NUDT13: variants seen among roughly 807,000 people sequenced by gnomAD.
The protein encoded by NUDT13 is NAD(P)H pyrophosphatase NUDT13, mitochondrial.
In NUDT13, 40 loss-of-function variants were observed where a neutral mutation model predicts 41.7. The ratio of observed to expected loss-of-function variants is 0.96; its 90% CI spans 0.75 to 1.25. The LOEUF (loss-of-function observed/expected upper bound fraction) is 1.25. Among genes scored for constraint, NUDT13 ranks in the 50% most tolerant of loss-of-function variants. NUDT13 has a pLI of 0.00. For synonymous variants in NUDT13, 145 were observed against 155.5 expected (o/e 0.93, Z 0.50); for missense variants, 390 against 416.1 (o/e 0.94, Z 0.55).
chr10:73,122,024 C>G, intron 3 of NUDT13, 151 bp from the exon 4 acceptor site: 9 of 804,638 alleles, frequency 1.1e-5, no homozygotes, highest in Non-Finnish European at 1.8e-5. Context: ...ATGGTTAGAC[C>G]AAGGTTACAT....
In NUDT13 at chr10:73,131,201, G is replaced by A. The variant is rs1842910639; in HGVS notation, c.*298G>A. ...CCCTTGTTCAGTCATTTTCTCTAAG[G>A]CCTTGGAAGCAAACATCTTCTGGCA... On this transcript the variant is annotated 3_prime_UTR_variant, in exon 9 of 9. Coordinates refer to ENST00000357321, the MANE Select transcript of NUDT13 (RefSeq NM_015901.6). The A allele has an allele frequency of 3.6e-6, 1 of 274,868 alleles. No individual in the cohort carries two copies. Among genetic ancestry groups the A allele is most frequent in the Non-Finnish European group, 7.2e-6 (1 of 138,888 alleles). The allele number at this position is 274,868 out of a possible 1,614,324, so 17.0% of individuals were successfully genotyped here. A position where few individuals can be genotyped will look rare whatever the true frequency, so the allele number is the denominator to read the frequency against.
At chr10:73,119,892 G>T (rs949005418) in intron 2 of NUDT13, 126 bp from the exon 3 acceptor site, 5 of 1,031,058 alleles carry the variant, frequency 4.8e-6, no homozygotes, top group East Asian at 4.8e-5. Context: ...AGCAAATTAG[G>T]TTGTAAATAA....
intron 1 of NUDT13, among the ~76,000 whole-genome samples, chr10:73,111,519 GA>G (rs1387133167): frequency 1.3e-5 from 2 of 152,202 alleles, no homozygotes; most frequent in Non-Finnish European, 2.9e-5. Context: ...AACAGGATAA[GA>G]AACGTGTGAA....
chr10:73,113,820 A>C (rs1842428898), intron 1 of NUDT13, among the ~76,000 whole-genome samples: 1 of 152,224 alleles, frequency 6.6e-6, no homozygotes. Context: ...CCTCAGACAC[A>C]GTGAAAAGGG....
At chr10:73,112,937 G>A in intron 1 of NUDT13, among the ~76,000 whole-genome samples, 1 of 151,722 alleles carries the variant, frequency 6.6e-6, no homozygotes, top group East Asian at 1.9e-4. Flanking sequence ...GCCCAGGCTG[G>A]AGTGCAATGG....
At chr10:73,117,533 G>GGCGAC in intron 2 of NUDT13, among the ~76,000 whole-genome samples, 1 of 124,148 alleles carries the variant, frequency 8.1e-6, no homozygotes, top group South Asian at 2.5e-4. Context: ...CTCCAGCCTG[G>GGCGAC]AAAACAAGAG....
intron 4 of NUDT13, 152 bp downstream of exon 4, chr10:73,122,461 A>G: frequency 1.4e-6 from 1 of 721,706 alleles, no homozygotes; most frequent in South Asian, 1.9e-5. Flanking sequence ...GTCATCTGCT[A>G]TCATCATCAT....
At chr10:73,110,807 A>C (rs1290882242) in intron 1 of NUDT13, among the ~76,000 whole-genome samples, 1 of 152,182 alleles carries the variant, frequency 6.6e-6, no homozygotes. Flanking sequence ...TTAAAAATGG[A>C]ACTTGCCAAC....
At chr10:73,114,783 T>TTA in intron 2 of NUDT13, among the ~76,000 whole-genome samples, 1 of 152,106 alleles carries the variant, frequency 6.6e-6, no homozygotes, top group South Asian at 2.1e-4. Flanking sequence ...GACTCTAATC[T>TTA]GATTGCGGGT....
chr10:73,129,132 AGGTACTT>A (rs1422659155), intron 8 of NUDT13, among the ~76,000 whole-genome samples: 1 of 149,314 alleles, frequency 6.7e-6, no homozygotes, highest in Non-Finnish European at 1.5e-5. Context: ...ATAAAACTAT[AGGTACTT>A]GTAGTTGAAA....
rs1012076149 is a variant in NUDT13, at chr10:73,126,807, G to A, written c.838G>A (p.Val280Met). The A allele has an allele frequency of 1.9e-6, 3 of 1,614,142 alleles. No individual in the cohort carries two copies. The African/African-American group carries it at 4.0e-5, about 22-fold the overall frequency. The part of the protein sequence containing the change: ...GSLMIACHAT[V>M]KPGQTEIQVN... ...ACTCATGATTGCTTGCCATGCAACT[G>A]TGAAACCAGGGCAGACAGAAGTAAG... The change falls in exon 8 of 9, where the codon GTG becomes ATG. Residue 280 changes from valine (V) to methionine (M), a missense_variant. Val to Met is a conservative substitution (Grantham distance 21). Transcript: ENST00000357321.
At chr10:73,121,550 T>C (rs985447709) in intron 3 of NUDT13, among the ~76,000 whole-genome samples, 7 of 152,218 alleles carry the variant, frequency 4.6e-5, no homozygotes, top group African/African-American at 9.6e-5. Flanking sequence ...CTCTTAGAGA[T>C]TGGCATCTCA....
chr10:73,115,743 A>G lies in NUDT13; in HGVS notation c.83+1295A>G, dbSNP rs568971851. On this transcript the variant is annotated intron_variant, in intron 2 of 8. Transcript: ENST00000357321. ...ACTTCAGATGAAAAAAACTGTATTGAATAATATTTCATGAAGTTTCCTATA... is the reference window on the plus strand; with the variant it reads ...ACTTCAGATGAAAAAAACTGTATTGGATAATATTTCATGAAGTTTCCTATA... 1.8e-4 allele frequency among the ~76,000 whole-genome samples: 28 copies of G among 152,320 alleles called. No individual in the cohort carries two copies. In the South Asian group the frequency reaches 3.3e-3, roughly 18 times the overall value.
In NUDT13 at chr10:73,120,097, C is replaced by G; in HGVS notation, c.163C>G (p.Leu55Val). Residue 55 changes from leucine (L) to valine (V), a missense_variant, in exon 3 of 9, where the codon CTG (leucine) becomes GTG (valine). Physicochemically the swap from Leu to Val is conservative, Grantham distance 32. Coordinates refer to ENST00000357321, the MANE Select transcript of NUDT13 (RefSeq NM_015901.6). ...QTGAFYLFHS[L>V]APLLQTSAHQ... is the part of the protein sequence containing the mutation. ...AGGAGCGTTTTACCTCTTTCATAGT[C>G]TGGCTCCTCTGCTTCAGACTTCAGC... The G allele has an allele frequency of 6.2e-7, 1 of 1,614,202 alleles. No individual in the cohort carries two copies. The highest frequency in any genetic ancestry group is 8.5e-7 in the Non-Finnish European group (1 of 1,180,026).
chr10:73,110,965 C>T (rs1184830327), intron 1 of NUDT13, among the ~76,000 whole-genome samples: 8 of 152,078 alleles, frequency 5.3e-5, no homozygotes, highest in Non-Finnish European at 8.8e-5. Flanking sequence ...CCATGGAGGT[C>T]CACAGTCGTG....
chr10:73,125,652 T>C lies in NUDT13; in HGVS notation c.703+143T>C, dbSNP rs889118757. 10 of 68,130 alleles carry C rather than the reference T, an allele frequency of 1.5e-4. 1 individual carries two copies. Among genetic ancestry groups the C allele is most frequent in the African/African-American group, 6.3e-4 (5 of 7,930 alleles). 4.2% of individuals were successfully genotyped at this position (68,130 alleles called of 1,614,324 possible). A position where few individuals can be genotyped will look rare whatever the true frequency, so the allele number is the denominator to read the frequency against. ...TCAAGAAAACTGCTTTCTGGCATTT[T>C]ATATATATATATATATATATATATA... On this transcript the variant is annotated intron_variant, in intron 7 of 8. Transcript: ENST00000357321.
At chr10:73,119,489 T>C (rs1237790317) in intron 2 of NUDT13, 1 of 985,886 alleles carries the variant, frequency 1.0e-6, no homozygotes. Context: ...GTTTACTCTT[T>C]GTCTGCTGTG....
intron 7 of NUDT13, 62 bp from the exon 8 acceptor site, chr10:73,126,611 G>T: frequency 6.4e-7 from 1 of 1,568,276 alleles, no homozygotes; most frequent in African/African-American, 1.4e-5. Context: ...TTTCTCAAAT[G>T]GGCTGTCTGT....
chr10:73,114,416 T>C lies in NUDT13; in HGVS notation c.51T>C (p.Tyr17=). ...GCAGGAGAAAATTTTTTTGGTGCTATAGGCTGCTGTCAACCTATGTTACTA... is the reference window on the plus strand; with the variant it reads ...GCAGGAGAAAATTTTTTTGGTGCTACAGGCTGCTGTCAACCTATGTTACTA... The part of the protein sequence containing the change: ...IACRRKFFWC[Y]RLLSTYVTKT... The change falls in exon 2 of 9, where the codon TAT becomes TAC. Residue 17 remains tyrosine (Y), a synonymous_variant. Coordinates refer to ENST00000357321, the MANE Select transcript of NUDT13 (RefSeq NM_015901.6). 6.3e-7 allele frequency: 1 copy of C among 1,595,186 alleles called. No individual in the cohort carries two copies. Among genetic ancestry groups the C allele is most frequent in the Non-Finnish European group, 8.6e-7 (1 of 1,168,096 alleles).
Sources: gnomAD v4.1 joint callset for allele counts (sites outside exome capture counted in the v4.1 genomes callset) on GRCh38, gnomAD v4.1.1 for gene constraint, MANE v1.5 for transcripts, NCBI Gene and HGNC (gene_info 2026-07-23, HGNC 2026-07-21) for gene names.